The following ZNF423 variants were observed in gnomAD, a reference collection of about 807,000 sequenced individuals.
The protein encoded by ZNF423 is Ebf-associated zinc finger protein.
A neutral mutation model predicts 95.8 loss-of-function variants in ZNF423; 12 were observed. The observed-to-expected ratio is 0.13, with a 90% CI of 0.08 to 0.20. The LOEUF (loss-of-function observed/expected upper bound fraction) is 0.20. Among genes scored for constraint, ZNF423 ranks in the 10% least tolerant of loss-of-function variants. The probability of loss-of-function intolerance (pLI) is 1.00; values close to 1 mark genes in which losing one functional copy is unlikely to be tolerated. For synonymous variants in ZNF423, 749 were observed against 711.9 expected (o/e 1.05, Z -0.83); for missense variants, 1,316 against 1,737.1 (o/e 0.76, Z 4.31).
At chr16:49,859,011 C>A (rs1217348452), upstream of ZNF423, among the ~76,000 whole-genome samples, 1 of 152,220 alleles carries the variant, frequency 6.6e-6, no homozygotes, top group East Asian at 1.9e-4. Flanking sequence ...CGGCCCCCAG[C>A]TCGCCCGCCC....
At chr16:49,527,811 AC>A (rs1486059810) in intron 5 of ZNF423, among the ~76,000 whole-genome samples, 1 of 151,906 alleles carries the variant, frequency 6.6e-6, no homozygotes, top group Admixed American at 6.6e-5. Flanking sequence ...ATATGCATGT[AC>A]CCCCGCCATC....
chr16:49,530,095 G>T (rs967717004), intron 5 of ZNF423, among the ~76,000 whole-genome samples: 1 of 152,158 alleles, frequency 6.6e-6, no homozygotes, highest in Non-Finnish European at 1.5e-5. Flanking sequence ...CCACTCACTC[G>T]CTGTGTGGAC....
intron 1 of ZNF423, among the ~76,000 whole-genome samples, chr16:49,811,142 A>T (rs542280234): frequency 1.3e-5 from 2 of 152,294 alleles, no homozygotes; most frequent in East Asian, 3.9e-4. Context: ...CAACCAGTGG[A>T]AGGCACTACA....
chr16:49,858,498 C>G (rs2035396039), upstream of ZNF423, among the ~76,000 whole-genome samples: 1 of 151,760 alleles, frequency 6.6e-6, no homozygotes, highest in Non-Finnish European at 1.5e-5. The surrounding 1 kb of genome is among the most constrained non-coding windows in gnomAD (Gnocchi z 4.3). Context: ...AGTCGGGTGA[C>G]GGGCTAAACG....
chr16:49,795,641 T>A (rs1457874268), intron 1 of ZNF423, among the ~76,000 whole-genome samples: 1 of 152,210 alleles, frequency 6.6e-6, no homozygotes, highest in Non-Finnish European at 1.5e-5. Context: ...CTAAAACACT[T>A]CACCGGACAG....
chr16:49,857,488 G>T (rs1280008270), upstream of ZNF423, among the ~76,000 whole-genome samples: 2 of 152,150 alleles, frequency 1.3e-5, no homozygotes, highest in Non-Finnish European at 2.9e-5. The surrounding 1 kb of genome is among the most constrained non-coding windows in gnomAD (Gnocchi z 6.2). Context: ...AAAGAATGGG[G>T]GAGCAAACGG....
intron 3 of ZNF423, among the ~76,000 whole-genome samples, chr16:49,658,405 G>A (rs8055014): frequency 3.3e-4 from 50 of 152,348 alleles, no homozygotes; most frequent in African/African-American, 9.1e-4. Flanking sequence ...CTAGCCAGGC[G>A]GCCCCTCTGA....
chr16:49,736,370 C>T (rs1351399600), intron 2 of ZNF423, among the ~76,000 whole-genome samples: 1 of 152,138 alleles, frequency 6.6e-6, no homozygotes, highest in Non-Finnish European at 1.5e-5. Context: ...GAGGGTACAC[C>T]CACACCAGGA....
At chr16:49,621,122 G>C (rs952607936) in intron 5 of ZNF423, among the ~76,000 whole-genome samples, 23 of 152,310 alleles carry the variant, frequency 1.5e-4, no homozygotes, top group Non-Finnish European at 2.6e-4. Context: ...GTCCTCGGAG[G>C]GGGTGAAGGG....
intron 3 of ZNF423, among the ~76,000 whole-genome samples, chr16:49,726,954 C>T (rs2033035555): frequency 6.7e-6 from 1 of 150,218 alleles, no homozygotes; most frequent in African/African-American, 2.5e-5. Context: ...AACGTGAAAA[C>T]GTATGTGCTC....
In ZNF423 at chr16:49,730,980, A is replaced by G; in HGVS notation, c.101-9T>C. On this transcript the variant is annotated splice_polypyrimidine_tract_variant and intron_variant, in intron 2 of 7. Transcript: ENST00000563137. ...CTCTCCTTCTAGGCCTCCTGCCAAC[A>G]GGAAGAATACAGTCCATGTCAGCTG... 6.2e-7 allele frequency: 1 copy of G among 1,614,142 alleles called. No homozygotes were observed. The highest frequency in any genetic ancestry group is 1.1e-5 in the South Asian group (1 of 91,076).
intron 1 of ZNF423, among the ~76,000 whole-genome samples, chr16:49,817,103 T>C (rs2034867473): frequency 6.6e-6 from 1 of 152,146 alleles, no homozygotes; most frequent in South Asian, 2.1e-4. Context: ...ATCGCCACAT[T>C]TGCCATCTCG....
intron 3 of ZNF423, among the ~76,000 whole-genome samples, chr16:49,693,064 T>A (rs750187130): frequency 6.6e-6 from 1 of 152,256 alleles, no homozygotes; most frequent in Non-Finnish European, 1.5e-5. Flanking sequence ...CATGAATAAA[T>A]GTGTGAATAA....
chr16:49,811,396 G>A (rs1430722848), intron 1 of ZNF423, among the ~76,000 whole-genome samples: 2 of 151,978 alleles, frequency 1.3e-5, no homozygotes, highest in African/African-American at 4.8e-5. Flanking sequence ...ATAAACACTG[G>A]GGGTGGAGGA....
chr16:49,835,056 T>G (rs934787855), intron 1 of ZNF423, among the ~76,000 whole-genome samples: 4 of 151,944 alleles, frequency 2.6e-5, no homozygotes, highest in African/African-American at 9.7e-5. Flanking sequence ...CACCTCCGGA[T>G]TAACACCAGG....
chr16:49,670,061 A>G (rs1252957696), intron 3 of ZNF423, among the ~76,000 whole-genome samples: 2 of 150,368 alleles, frequency 1.3e-5, no homozygotes, highest in Non-Finnish European at 3.0e-5. Flanking sequence ...CCACGAGAAC[A>G]GAGGAAAAAA....
intron 1 of ZNF423, among the ~76,000 whole-genome samples, chr16:49,795,309 C>T (rs1418311441): frequency 6.6e-6 from 1 of 152,178 alleles, no homozygotes; most frequent in Non-Finnish European, 1.5e-5. Flanking sequence ...ACCACTGTCC[C>T]CACCCCATCA....
chr16:49,609,660 AG>A (rs1364692672), intron 5 of ZNF423, among the ~76,000 whole-genome samples: 3 of 152,174 alleles, frequency 2.0e-5, no homozygotes, highest in Admixed American at 2.0e-4. Flanking sequence ...AATAGGAGAT[AG>A]AATAATAAAA....
chr16:49,773,212 G>A (rs1022842688), intron 2 of ZNF423, among the ~76,000 whole-genome samples: 4 of 152,080 alleles, frequency 2.6e-5, no homozygotes, highest in East Asian at 3.9e-4. Context: ...CCAGCTACTC[G>A]GGAGTCTGAG....
Sources: allele counts gnomAD v4.1 joint callset (sites outside exome capture counted in the v4.1 genomes callset), GRCh38; gene constraint gnomAD v4.1.1; non-coding constraint Gnocchi (gnomAD v3.1); transcripts MANE v1.5; gene names NCBI Gene and HGNC (gene_info 2026-07-23, HGNC 2026-07-21).